The following DIAPH2 variants were observed in gnomAD, a reference collection of about 807,000 sequenced individuals.
The protein encoded by DIAPH2 is diaphanous related formin 2.
Under a neutral mutation model 92.7 loss-of-function variants are expected in DIAPH2, and 35 were observed. That is an observed-to-expected ratio of 0.38 (90% confidence interval 0.29 to 0.50). The LOEUF (loss-of-function observed/expected upper bound fraction) is 0.50. Ranked by LOEUF, DIAPH2 falls within the 20% of genes least tolerant of loss-of-function variation. The pLI is 0.94. For missense variants in DIAPH2, 701 were observed against 819.5 expected (o/e 0.86, Z 1.77); for synonymous variants, 301 against 280.4 (o/e 1.07, Z -0.73).
intron 22 of DIAPH2, among the ~76,000 whole-genome samples, chrX:97,185,361 A>G (rs2067578231): frequency 1.7e-5 from 1 of 58,265 alleles, no homozygotes; most frequent in South Asian, 8.7e-4. Flanking sequence ...ATGTGTGTAT[A>G]TATATATGTA....
intron 14 of DIAPH2, 83 bp downstream of exon 14, chrX:96,945,674 G>C: frequency 3.1e-6 from 2 of 638,625 alleles, no homozygotes; most frequent in Non-Finnish European, 4.5e-6. Flanking sequence ...TAATATGAGG[G>C]CTTCTAAATG....
intron 23 of DIAPH2, among the ~76,000 whole-genome samples, chrX:97,258,802 C>T (rs1339626656): frequency 1.2e-4 from 10 of 84,095 alleles, no homozygotes; most frequent in Non-Finnish European, 2.2e-4. Context: ...ACCCGGGAGG[C>T]GGAGCTTGCT....
At chrX:96,722,809 T>G (rs1322559635) in intron 1 of DIAPH2, among the ~76,000 whole-genome samples, 9 of 111,902 alleles carry the variant, frequency 8.0e-5, no homozygotes, top group Non-Finnish European at 1.3e-4. Context: ...TTTTGTGGTG[T>G]TTCCAGGTTT....
At chrX:96,987,148 A>T (rs749833537) in intron 17 of DIAPH2, among the ~76,000 whole-genome samples, 1 of 109,992 alleles carries the variant, frequency 9.1e-6, no homozygotes, top group African/African-American at 3.2e-5. Flanking sequence ...TAATCAACAT[A>T]GGGATAAATT....
intron 15 of DIAPH2, among the ~76,000 whole-genome samples, chrX:96,955,653 G>A (rs917529676): frequency 3.2e-4 from 36 of 111,928 alleles, no homozygotes; most frequent in African/African-American, 1.0e-3. Flanking sequence ...CATTTCAAAT[G>A]GGAAAAATTG....
At chrX:97,458,768 CT>C (rs960250094) in intron 26 of DIAPH2, among the ~76,000 whole-genome samples, 5 of 111,709 alleles carry the variant, frequency 4.5e-5, no homozygotes, top group East Asian at 2.8e-4. Context: ...AAAATGCCCC[CT>C]CATCAACTAT....
At chrX:97,234,829 C>T (rs147743574) in intron 22 of DIAPH2, among the ~76,000 whole-genome samples, 1 of 111,749 alleles carries the variant, frequency 8.9e-6, no homozygotes, top group Admixed American at 9.5e-5. Context: ...GTTCACCAAT[C>T]CCTTATCTAG....
intron 17 of DIAPH2, among the ~76,000 whole-genome samples, chrX:97,044,298 A>G (rs1338994792): frequency 9.0e-6 from 1 of 111,177 alleles, no homozygotes; most frequent in Non-Finnish European, 1.9e-5. Flanking sequence ...GTAAACTATC[A>G]GGTATCTTTT....
intron 26 of DIAPH2, among the ~76,000 whole-genome samples, chrX:97,510,253 T>A (rs2070876327): frequency 9.0e-6 from 1 of 111,409 alleles, no homozygotes. Context: ...ATTTCTCTGA[T>A]GGCCAGTGAT....
intron 23 of DIAPH2, among the ~76,000 whole-genome samples, chrX:97,334,930 G>A (rs759523583): frequency 2.9e-3 from 275 of 93,803 alleles, no homozygotes; most frequent in Non-Finnish European, 4.7e-3. Context: ...GCAGTGAGCC[G>A]AGAACGCACC....
chrX:97,115,309 G>T (rs1230701681), intron 21 of DIAPH2, among the ~76,000 whole-genome samples: 2 of 111,066 alleles, frequency 1.8e-5, no homozygotes, highest in African/African-American at 6.5e-5. Flanking sequence ...GCTGAGGCGG[G>T]TGGATAACCT....
intron 2 of DIAPH2, among the ~76,000 whole-genome samples, chrX:96,737,464 C>T (rs779483072): frequency 1.8e-5 from 2 of 111,545 alleles, no homozygotes; most frequent in South Asian, 3.8e-4. Flanking sequence ...GGTTACATGG[C>T]GGTGAAGATA....
intron 5 of DIAPH2, among the ~76,000 whole-genome samples, chrX:96,889,474 T>G (rs189359316): frequency 3.0e-3 from 336 of 112,186 alleles, no homozygotes; most frequent in Middle Eastern, 4.7e-3. Flanking sequence ...TTTTTTAACA[T>G]TAAGAGTTAA....
chrX:96,922,171 G>C (rs931030709), intron 9 of DIAPH2, among the ~76,000 whole-genome samples: 1 of 111,037 alleles, frequency 9.0e-6, no homozygotes, highest in Non-Finnish European at 1.9e-5. Flanking sequence ...GTGAATAGAA[G>C]GGAAAGCACA....
intron 17 of DIAPH2, among the ~76,000 whole-genome samples, chrX:97,042,966 C>T (rs2066457457): frequency 9.0e-6 from 1 of 111,268 alleles, no homozygotes; most frequent in South Asian, 3.7e-4. Context: ...ACATGAATAC[C>T]GATAGTTGAA....
At chrX:97,597,690 A>G (rs2071562881) in intron 26 of DIAPH2, among the ~76,000 whole-genome samples, 1 of 112,025 alleles carries the variant, frequency 8.9e-6, no homozygotes, top group Non-Finnish European at 1.9e-5. Context: ...TTTTCTAAGA[A>G]GTAGAAAACC....
rs898660898 is a variant in DIAPH2, at chrX:97,111,167, A to G, written c.2350-3559A>G. On this transcript the variant is annotated intron_variant, in intron 20 of 26. Coordinates refer to ENST00000324765, the MANE Select transcript of DIAPH2 (RefSeq NM_006729.5). ...GGCAGAGCCTAAAAAAGAAGAAAGT[A>G]AACGTATGGATCATTTATTTTGACT... is the stretch of plus-strand genomic sequence containing the variant. Among the ~76,000 whole-genome samples the G allele has an allele frequency of 3.6e-5, 4 of 112,321 alleles. No individual in the cohort carries two copies. The Admixed American group carries it at 3.7e-4, about 11-fold the overall frequency.
chrX:96,829,533 G>A (rs1465573358), intron 4 of DIAPH2, among the ~76,000 whole-genome samples: 2 of 109,175 alleles, frequency 1.8e-5, no homozygotes, highest in Non-Finnish European at 3.8e-5. Context: ...TCGCTCTGTC[G>A]CCCAGGCTAG....
intron 25 of DIAPH2, among the ~76,000 whole-genome samples, chrX:97,405,918 T>C (rs760125742): frequency 1.8e-5 from 2 of 111,601 alleles, no homozygotes; most frequent in Non-Finnish European, 3.8e-5. Flanking sequence ...GGCTGTGAGA[T>C]AATTTTCTCA....
Sources: allele counts gnomAD v4.1 joint callset (sites outside exome capture counted in the v4.1 genomes callset), GRCh38; gene constraint gnomAD v4.1.1; transcripts MANE v1.5; gene names NCBI Gene and HGNC (gene_info 2026-07-23, HGNC 2026-07-21).